The following PIEZO2 variants were observed in gnomAD, a reference collection of about 807,000 sequenced individuals.
PIEZO2 encodes piezo-type mechanosensitive ion channel component 2.
PIEZO2 carries 172 observed loss-of-function variants against 337.3 expected under a neutral mutation model. The ratio of observed to expected loss-of-function variants is 0.51; its 90% CI spans 0.45 to 0.58. The LOEUF (loss-of-function observed/expected upper bound fraction) is 0.58, where lower values mean the gene tolerates loss of function less well. Ranked by LOEUF, PIEZO2 falls within the 20% of genes least tolerant of loss-of-function variation. The pLI is 0.00. For missense variants in PIEZO2, 3,028 were observed against 3,391.3 expected (o/e 0.89, Z 2.66); for synonymous variants, 1,251 against 1,228.5 (o/e 1.02, Z -0.38).
Position 10,741,020 on chromosome 18 carries a change from A to C in PIEZO2, c.4708+11T>G, listed in dbSNP as rs2037198502. On this transcript the variant is annotated intron_variant, in intron 33 of 55. Coordinates refer to ENST00000674853, the MANE Select transcript of PIEZO2 (RefSeq NM_001378183.1). ...AGTCGATGAGGTTGTAAGGGGATCG[A>C]GAAAACCTACTGGAAGCATGATCAA... 1 of 1,537,040 alleles carries C rather than the reference A, an allele frequency of 6.5e-7. No individual in the cohort carries two copies. Among genetic ancestry groups the C allele is most frequent in the Non-Finnish European group, 8.7e-7 (1 of 1,146,828 alleles).
At position 11,148,835 on chromosome 18, in the gene PIEZO2, C is replaced by A; in HGVS notation, c.-247G>T. The A allele has an allele frequency of 2.3e-6, 1 of 437,376 alleles. No homozygotes were observed. The allele number at this position is 437,376 out of a possible 1,614,324, so 27.1% of individuals were successfully genotyped here. A position where few individuals can be genotyped will look rare whatever the true frequency, so the allele number is the denominator to read the frequency against. On this transcript the variant is annotated 5_prime_UTR_variant, in exon 1 of 56. Coordinates refer to ENST00000674853, the MANE Select transcript of PIEZO2 (RefSeq NM_001378183.1). The surrounding 1 kb of genome is among the most constrained non-coding windows in gnomAD (Gnocchi z 5.2). ...CTCTTGGCGGCCACCTAGCCCGGCG[C>A]CCGGCCCCCTGCGGCCGGCCCATTT... is the stretch of plus-strand genomic sequence containing the variant.
At chr18:11,014,560 T>TGG (rs2036023536) in intron 2 of PIEZO2, among the ~76,000 whole-genome samples, 1 of 139,082 alleles carries the variant, frequency 7.2e-6, no homozygotes, top group African/African-American at 2.8e-5. Context: ...CATTCCTCAG[T>TGG]GGGGAACATG....
In PIEZO2 at chr18:10,824,613, T is replaced by A. The variant is rs2040615104; in HGVS notation, c.918-17339A>T. ...ATAAAAAAATCCATCTATCTATATA[T>A]CCATATCTATATTTGATATGAAACA... On this transcript the variant is annotated intron_variant, in intron 7 of 55. Coordinates refer to ENST00000674853, the MANE Select transcript of PIEZO2 (RefSeq NM_001378183.1). The surrounding 1 kb of genome is among the most constrained non-coding windows in gnomAD (Gnocchi z 4.4). Among the ~76,000 whole-genome samples, 1 of 152,154 alleles carries A rather than the reference T, an allele frequency of 6.6e-6. No homozygotes were observed. Among genetic ancestry groups the A allele is most frequent in the African/African-American group, 2.4e-5 (1 of 41,436 alleles).
chr18:10,947,188 T>A lies in PIEZO2; in HGVS notation c.286+32347A>T, dbSNP rs142494169. ...TGTAGAAAAAAAGCAGAAAATAAAC[T>A]AAAATAAATAAATGAATCAGATTTC... is the stretch of plus-strand genomic sequence containing the variant. On this transcript the variant is annotated intron_variant, in intron 3 of 55. Transcript: ENST00000674853. 5.3e-3 allele frequency among the ~76,000 whole-genome samples: 804 copies of A among 151,962 alleles called. 3 individuals carry two copies. The highest frequency in any genetic ancestry group is 0.018 in the African/African-American group (756 of 41,458).
rs2033765360 is a variant in PIEZO2, at chr18:10,671,374, T to C, written c.*153A>G. 1.3e-6 allele frequency: 1 copy of C among 769,208 alleles called. No individual in the cohort carries two copies. Among genetic ancestry groups the C allele is most frequent in the Non-Finnish European group, 2.0e-6 (1 of 510,092 alleles). The allele number at this position is 769,208 out of a possible 1,614,324, so 47.6% of individuals were successfully genotyped here. On this transcript the variant is annotated 3_prime_UTR_variant, in exon 56 of 56. Transcript: ENST00000674853. ...AGTGCCTTAACTTGCAAGGTAGCTT[T>C]TACTGCAGAAGGATATCAGCTCCTT...
rs1224628183 is a variant in PIEZO2 at position 11,132,613 on chromosome 18, T to C, written c.64+15912A>G. 3.3e-5 allele frequency among the ~76,000 whole-genome samples: 5 copies of C among 152,146 alleles called. No individual in the cohort carries two copies. Among genetic ancestry groups the C allele is most frequent in the Non-Finnish European group, 7.4e-5 (5 of 68,026 alleles). The stretch of plus-strand genomic sequence containing the variant: ...GTGATCCACTAGCAAAATTTTTGCT[T>C]CCTGTTCCCGTGACATTACGTTCTG... On this transcript the variant is annotated intron_variant, in intron 1 of 55. Transcript: ENST00000674853. This position sits in a 1 kb window ranked among gnomAD's most constrained non-coding sequence, Gnocchi z 4.7.
At chr18:10,838,523 G>A (rs1284202112) in intron 7 of PIEZO2, among the ~76,000 whole-genome samples, 1 of 152,180 alleles carries the variant, frequency 6.6e-6, no homozygotes, top group African/African-American at 2.4e-5. Context: ...ATGTTTGCAG[G>A]ATACTGCCTT....
chr18:11,074,112 C>CT (rs1263532446), intron 1 of PIEZO2, among the ~76,000 whole-genome samples: 1 of 152,178 alleles, frequency 6.6e-6, no homozygotes, highest in African/African-American at 2.4e-5. Context: ...TCCCAAAGTG[C>CT]TAGGATTACA....
At chr18:11,106,418 CTTTT>C (rs539595699) in intron 1 of PIEZO2, among the ~76,000 whole-genome samples, 1 of 129,588 alleles carries the variant, frequency 7.7e-6, no homozygotes, top group Non-Finnish European at 1.6e-5. Flanking sequence ...TTTCCTCTCT[CTTTT>C]TTTTTTTTTT....
At chr18:10,930,470 A>G (rs1015854894) in intron 3 of PIEZO2, among the ~76,000 whole-genome samples, 1 of 152,156 alleles carries the variant, frequency 6.6e-6, no homozygotes, top group African/African-American at 2.4e-5. Flanking sequence ...TGTACTCCTT[A>G]TATGTATTAA....
chr18:11,084,100 C>A (rs998293897), intron 1 of PIEZO2, among the ~76,000 whole-genome samples: 2 of 145,400 alleles, frequency 1.4e-5, no homozygotes, highest in Admixed American at 7.0e-5. Flanking sequence ...TCACTTGAAC[C>A]TGGGGGGTGG....
intron 1 of PIEZO2, among the ~76,000 whole-genome samples, chr18:11,117,564 T>A (rs1303232552): frequency 6.6e-6 from 1 of 152,212 alleles, no homozygotes; most frequent in Admixed American, 6.5e-5. Flanking sequence ...CCAAGTTCGT[T>A]TAGAATGTTT....
Position 10,710,746 on chromosome 18 carries a change from C to G in PIEZO2, c.5424-2307G>C, listed in dbSNP as rs147719075. 8.3e-3 allele frequency among the ~76,000 whole-genome samples: 1,268 copies of G among 152,352 alleles called. 7 individuals are homozygous for G. Among genetic ancestry groups the G allele is most frequent in the Admixed American group, 0.013 (201 of 15,304 alleles). The stretch of plus-strand genomic sequence containing the variant: ...TGGGGAGTGGCAGCCTCCTGGCCAC[C>G]AGACCCTTCCCAATGACTTCCACTG... On this transcript the variant is annotated intron_variant, in intron 39 of 55. Coordinates refer to ENST00000674853, the MANE Select transcript of PIEZO2 (RefSeq NM_001378183.1).
At chr18:10,887,367 C>A (rs2042637895) in intron 4 of PIEZO2, among the ~76,000 whole-genome samples, 1 of 151,996 alleles carries the variant, frequency 6.6e-6, no homozygotes, top group Non-Finnish European at 1.5e-5. Context: ...CCGCTCCTGG[C>A]CGACACACAT....
chr18:10,991,206 A>G (rs1461713618), intron 2 of PIEZO2, among the ~76,000 whole-genome samples: 3 of 150,366 alleles, frequency 2.0e-5, no homozygotes, highest in Non-Finnish European at 4.4e-5. Context: ...ACATATATAC[A>G]TATATATATA....
At chr18:11,061,706 G>A (rs1196296249) in intron 2 of PIEZO2, among the ~76,000 whole-genome samples, 1 of 152,106 alleles carries the variant, frequency 6.6e-6, no homozygotes, top group African/African-American at 2.4e-5. Flanking sequence ...CAAGGGACGT[G>A]AAGGACCTCT....
Position 11,127,741 on chromosome 18 carries a change from GTA to G in PIEZO2, c.64+20782_64+20783del, listed in dbSNP as rs1450936244. On this transcript the variant is annotated intron_variant, in intron 1 of 55. Transcript: ENST00000674853. The surrounding 1 kb of genome is among the most constrained non-coding windows in gnomAD (Gnocchi z 4.5). Reference sequence around the variant, plus strand: ...TATATACACACATATATATGTATGTGTATATATATGACATATATAGGTATATA... The same window carrying G: ...TATATACACACATATATATGTATGTGTATATATGACATATATAGGTATATA... Among the ~76,000 whole-genome samples the G allele has an allele frequency of 6.6e-6, 1 of 150,562 alleles. No homozygotes were observed. Among genetic ancestry groups the G allele is most frequent in the East Asian group, 1.9e-4 (1 of 5,136 alleles).
At chr18:10,741,288 C>G (rs925892609) in intron 32 of PIEZO2, among the ~76,000 whole-genome samples, 186 bp from the exon 33 acceptor site, 1 of 152,120 alleles carries the variant, frequency 6.6e-6, no homozygotes, top group Non-Finnish European at 1.5e-5. Flanking sequence ...AAGATAAATA[C>G]TAATTGTTCT....
At chr18:10,736,849 C>G in intron 33 of PIEZO2, 139 bp from the exon 34 acceptor site, 1 of 989,920 alleles carries the variant, frequency 1.0e-6, no homozygotes, top group Non-Finnish European at 1.4e-6. Flanking sequence ...GAGGAAAACA[C>G]ACAAGATGAA....
Sources: gnomAD v4.1 joint callset for allele counts (sites outside exome capture counted in the v4.1 genomes callset) on GRCh38, gnomAD v4.1.1 for gene constraint, Gnocchi (gnomAD v3.1) non-coding constraint, MANE v1.5 for transcripts, NCBI Gene and HGNC (gene_info 2026-07-23, HGNC 2026-07-21) for gene names.